PPP6R2: variants seen among roughly 807,000 people sequenced by gnomAD.
PPP6R2 encodes serine/threonine-protein phosphatase 6 regulatory subunit 2.
PPP6R2 carries 62 observed loss-of-function variants against 100.2 expected under a neutral mutation model. The ratio of observed to expected loss-of-function variants is 0.62; its 90% CI spans 0.50 to 0.76. The LOEUF (loss-of-function observed/expected upper bound fraction) is 0.76, where lower values mean the gene tolerates loss of function less well. Ranked by LOEUF, PPP6R2 falls within the 30% of genes least tolerant of loss-of-function variation. PPP6R2 has a pLI of 0.00. For missense variants in PPP6R2, 1,142 were observed against 1,276.3 expected (o/e 0.89, Z 1.60); for synonymous variants, 525 against 514.7 (o/e 1.02, Z -0.27).
intron 14 of PPP6R2, 132 bp downstream of exon 14, chr22:50,436,584 T>C: frequency 1.2e-6 from 1 of 856,228 alleles, no homozygotes; most frequent in African/African-American, 1.7e-5. Context: ...CTCTTGACTA[T>C]GCGGTGCCCC....
At position 50,431,017 on chromosome 22, in the gene PPP6R2, C is replaced by G. The variant is rs2063045870; in HGVS notation, c.1126-156C>G. ...GAAGCTCCGTAATAGAGAGATGACC[C>G]TCAGGAAAACGCTTAAAACTCCTTC... On this transcript the variant is annotated intron_variant, in intron 10 of 23. Coordinates refer to ENST00000612753, the MANE Select transcript of PPP6R2 (RefSeq NM_001242898.2). The surrounding 1 kb of genome is among the most constrained non-coding windows in gnomAD (Gnocchi z 4.8). 1.3e-5 allele frequency among the ~76,000 whole-genome samples: 2 copies of G among 152,134 alleles called. No individual in the cohort carries two copies. The highest frequency in any genetic ancestry group is 1.3e-4 in the Admixed American group (2 of 15,268).
At chr22:50,350,072 T>G (rs2044686912) in intron 1 of PPP6R2, among the ~76,000 whole-genome samples, 1 of 151,868 alleles carries the variant, frequency 6.6e-6, no homozygotes, top group African/African-American at 2.4e-5. Context: ...GAGCCAAGAT[T>G]GTGCCACTGC....
chr22:50,403,935 G>A (rs751894108), intron 3 of PPP6R2, among the ~76,000 whole-genome samples: 4 of 152,066 alleles, frequency 2.6e-5, no homozygotes, highest in African/African-American at 7.2e-5. Flanking sequence ...CCAGCCGGTC[G>A]CGTGGACCAC....
chr22:50,432,931 G>A (rs2063449075), intron 12 of PPP6R2, among the ~76,000 whole-genome samples: 1 of 152,116 alleles, frequency 6.6e-6, no homozygotes, highest in African/African-American at 2.4e-5. Context: ...CCCTTGGGGT[G>A]CTGAGCCTGA....
chr22:50,432,686 G>A (rs141446944), intron 12 of PPP6R2, among the ~76,000 whole-genome samples: 37 of 152,350 alleles, frequency 2.4e-4, no homozygotes, highest in African/African-American at 7.9e-4. Context: ...ACAGGGACGC[G>A]TTATTTTGGT....
intron 11 of PPP6R2, among the ~76,000 whole-genome samples, chr22:50,432,052 T>A (rs1435429290): frequency 2.0e-5 from 3 of 152,106 alleles, no homozygotes; most frequent in African/African-American, 4.8e-5. Flanking sequence ...GCTTCATCTT[T>A]AGGGCGCTCA....
chr22:50,440,395 C>A (rs2065304912), intron 21 of PPP6R2, among the ~76,000 whole-genome samples: 2 of 152,214 alleles, frequency 1.3e-5, no homozygotes, highest in African/African-American at 2.4e-5. Context: ...GTGGCCTGAT[C>A]AGAGCCCCTG....
In PPP6R2 at chr22:50,416,111, T is replaced by C. The variant is rs769145273; in HGVS notation, c.572T>C (p.Val191Ala). The C allele has an allele frequency of 4.3e-6, 7 of 1,613,728 alleles. No homozygotes were observed. Among genetic ancestry groups the C allele is most frequent in the Middle Eastern group, 1.7e-4 (1 of 6,032 alleles). ...DVLHWLNEEK[V>A]IQRLVELIHP... is the part of the protein sequence containing the mutation. Reference sequence around the variant, plus strand: ...TTTCAGTGGCTGAATGAAGAGAAGGTCATCCAGAGGCTTGTGGAGTTGATC... The same window carrying C: ...TTTCAGTGGCTGAATGAAGAGAAGGCCATCCAGAGGCTTGTGGAGTTGATC... The change falls in exon 6 of 24, where the codon GTC (valine) becomes GCC (alanine). Residue 191 changes from valine (V) to alanine (A), a missense_variant. By Grantham distance (64) the Val-to-Ala change is moderately conservative (BLOSUM62 0). Around this residue, in one of 2 missense-constraint regions of PPP6R2, gnomAD observed 592 missense variants for 758.9 expected, o/e 0.78. Coordinates refer to ENST00000612753, the MANE Select transcript of PPP6R2 (RefSeq NM_001242898.2).
At position 50,414,582 on chromosome 22, in the gene PPP6R2, T is replaced by A. The variant is rs1377339917; in HGVS notation, c.445T>A (p.Phe149Ile). The change falls in exon 5 of 24, where the codon TTC becomes ATC. Residue 149 changes from phenylalanine to isoleucine, a missense_variant. This residue lies in a region of PPP6R2 where 592 missense variants were observed against 758.9 expected (regional missense o/e 0.78). Coordinates refer to ENST00000612753, the MANE Select transcript of PPP6R2 (RefSeq NM_001242898.2). ...VITFLKKKDK[F>I]ISLVLKHIGT... Reference sequence around the variant, plus strand: ...TACGTTTTTGAAGAAGAAGGACAAGTTCATCAGCCTGGTGTTGAAGCACAT... The same window carrying A: ...TACGTTTTTGAAGAAGAAGGACAAGATCATCAGCCTGGTGTTGAAGCACAT... 6.2e-7 allele frequency: 1 copy of A among 1,613,870 alleles called. No homozygotes were observed. Among genetic ancestry groups the A allele is most frequent in the South Asian group, 1.1e-5 (1 of 91,076 alleles).
rs775863538 is a variant in PPP6R2 at position 50,443,915 on chromosome 22, AAGG to A, written c.2631_2633del (p.Glu878del). ...GTTAAGCCCTGCCTGCCCCGCGCCA[AAGG>A]AAGTGACTGCTGCCCCAGCCGTGGC... is the stretch of plus-strand genomic sequence containing the variant. On this transcript the variant is annotated inframe_deletion, in exon 23 of 24. Transcript: ENST00000612753. The A allele has an allele frequency of 1.9e-5, 30 of 1,599,542 alleles. No individual in the cohort carries two copies. In the African/African-American group the frequency reaches 3.4e-4, roughly 18 times the overall value.
At chr22:50,440,587 A>G (rs1021423693) in intron 21 of PPP6R2, among the ~76,000 whole-genome samples, 12 of 152,168 alleles carry the variant, frequency 7.9e-5, no homozygotes, top group African/African-American at 1.7e-4. Flanking sequence ...TCCTCCTGTG[A>G]GACCAGGGCA....
Position 50,431,985 on chromosome 22 carries a change from A to G in PPP6R2, c.1336-280A>G, listed in dbSNP as rs1017707314. ...ACGGGGAGAAGGCCCAGGGGAAGAC[A>G]GGGGTCAGGGGGCAATTCCAGGAGT... On this transcript the variant is annotated intron_variant, in intron 11 of 23. Coordinates refer to ENST00000612753, the MANE Select transcript of PPP6R2 (RefSeq NM_001242898.2). The surrounding 1 kb of genome is among the most constrained non-coding windows in gnomAD (Gnocchi z 4.8). Among the ~76,000 whole-genome samples the G allele has an allele frequency of 1.3e-5, 2 of 152,092 alleles. No homozygotes were observed. Among genetic ancestry groups the G allele is most frequent in the Non-Finnish European group, 2.9e-5 (2 of 68,010 alleles).
chr22:50,372,519 A>C (rs1602532366), intron 2 of PPP6R2, among the ~76,000 whole-genome samples: 1 of 151,932 alleles, frequency 6.6e-6, no homozygotes, highest in South Asian at 2.1e-4. Context: ...ACTGTACTCC[A>C]GTCTGGGCGA....
chr22:50,427,113 C>T (rs1397302047), intron 10 of PPP6R2, among the ~76,000 whole-genome samples: 1 of 146,848 alleles, frequency 6.8e-6, no homozygotes, highest in Non-Finnish European at 1.5e-5. Context: ...GGTGTGAACC[C>T]GGGAGGTGGA....
intron 5 of PPP6R2, 122 bp from the exon 6 acceptor site, chr22:50,415,970 G>A (rs918207860): frequency 3.3e-5 from 28 of 841,456 alleles, no homozygotes; most frequent in Non-Finnish European, 5.3e-5. Flanking sequence ...TGGGTCTGGG[G>A]TGTGTCAGGC....
chr22:50,375,812 G>A (rs999783309), intron 2 of PPP6R2, among the ~76,000 whole-genome samples: 2 of 121,302 alleles, frequency 1.6e-5, no homozygotes, highest in African/African-American at 3.2e-5. Flanking sequence ...TTCATCCTAA[G>A]ATACAAAGAA....
intron 2 of PPP6R2, among the ~76,000 whole-genome samples, chr22:50,379,196 A>G (rs1168804799): frequency 6.6e-6 from 1 of 152,114 alleles, no homozygotes; most frequent in African/African-American, 2.4e-5. Context: ...TTTACTAAAT[A>G]CAATTCTCAA....
intron 3 of PPP6R2, 93 bp from the exon 4 acceptor site, chr22:50,406,596 G>A: frequency 8.6e-7 from 1 of 1,169,146 alleles, no homozygotes; most frequent in Middle Eastern, 2.8e-4. Flanking sequence ...TGATCACGTG[G>A]GTCTGCTTCC....
intron 1 of PPP6R2, among the ~76,000 whole-genome samples, chr22:50,356,333 C>G (rs2046570733): frequency 7.1e-6 from 1 of 140,254 alleles, no homozygotes; most frequent in African/African-American, 2.7e-5. Context: ...GAGAGGGTGT[C>G]ACTCTGTCAT....
Sources: gnomAD v4.1 joint callset for allele counts (sites outside exome capture counted in the v4.1 genomes callset) on GRCh38, gnomAD v4.1.1 for gene constraint, gnomAD v4.1.1 regional missense constraint, Gnocchi (gnomAD v3.1) non-coding constraint, MANE v1.5 for transcripts, NCBI Gene and HGNC (gene_info 2026-07-23, HGNC 2026-07-21) for gene names.